The following MPHOSPH9 variants were observed in gnomAD, a reference collection of about 807,000 sequenced individuals.
MPHOSPH9 encodes the protein M-phase phosphoprotein 9.
Under a neutral mutation model 145.5 loss-of-function variants are expected in MPHOSPH9, and 88 were observed. The observed-to-expected ratio is 0.60, with a 90% CI of 0.51 to 0.72. MPHOSPH9 has a LOEUF of 0.72. MPHOSPH9 is among the 30% of genes least tolerant of loss of function. MPHOSPH9 has a pLI of 0.00. For synonymous variants in MPHOSPH9, 435 were observed against 486.2 expected (o/e 0.89, Z 1.39); for missense variants, 1,238 against 1,386.6 (o/e 0.89, Z 1.70).
chr12:123,184,979 G>T (rs1327753677), intron 13 of MPHOSPH9, among the ~76,000 whole-genome samples: 4 of 151,570 alleles, frequency 2.6e-5, no homozygotes, highest in Non-Finnish European at 5.9e-5. Context: ...AATTTTTGTA[G>T]TTTTAGTAGA....
At chr12:123,170,819 C>T (rs993337460) in intron 16 of MPHOSPH9, among the ~76,000 whole-genome samples, 60 of 152,236 alleles carry the variant, frequency 3.9e-4, no homozygotes, top group Non-Finnish European at 4.6e-4. Context: ...TCTTCAACCT[C>T]TCTGACTGTT....
chr12:123,241,430 C>T (rs34841857), intron 1 of MPHOSPH9, among the ~76,000 whole-genome samples: 79,271 of 151,792 alleles, frequency 0.52, 24,827 homozygotes, highest in East Asian at 0.7. Flanking sequence ...CTCTGCCTCC[C>T]GGGTTCAAGC....
At chr12:123,166,471 T>G (rs1621194) in intron 17 of MPHOSPH9, 184 bp downstream of exon 17, 2 of 697,038 alleles carry the variant, frequency 2.9e-6, no homozygotes, top group South Asian at 3.6e-5. Flanking sequence ...TGGGGAAGCT[T>G]GGCAGAGCTC....
chr12:123,239,755 A>G (rs1477687654), intron 1 of MPHOSPH9, among the ~76,000 whole-genome samples: 1 of 152,122 alleles, frequency 6.6e-6, no homozygotes, highest in Non-Finnish European at 1.5e-5. Flanking sequence ...AACACAACAG[A>G]GGTGACATTT....
chr12:123,161,049 G>A, intron 22 of MPHOSPH9, 87 bp downstream of exon 22: 1 of 1,494,328 alleles, frequency 6.7e-7, no homozygotes, highest in Non-Finnish European at 9.1e-7. Context: ...AATTTCCTGA[G>A]ACAGGTTTGA....
In MPHOSPH9 at chr12:123,230,310, A is replaced by C. The variant is rs574812308; in HGVS notation, c.55T>G (p.Ser19Ala). 6.5e-7 allele frequency: 1 copy of C among 1,534,482 alleles called. No homozygotes were observed. Among genetic ancestry groups the C allele is most frequent in the South Asian group, 1.2e-5 (1 of 83,970 alleles). Residue 19 changes from serine to alanine, a missense_variant, in exon 2 of 24, where the codon TCT (serine) becomes GCT (alanine). By Grantham distance (99) the Ser-to-Ala change is moderately conservative. Around this residue, in one of 3 missense-constraint regions of MPHOSPH9, gnomAD observed 837 missense variants for 897.5 expected, o/e 0.93. Transcript: ENST00000606320. Reference sequence around the variant, plus strand: ...AGAGAATGAAGAGAATTTTCATCAGATCCTACAGAAGATGAAGTTTTGTGT... The same window carrying C: ...AGAGAATGAAGAGAATTTTCATCAGCTCCTACAGAAGATGAAGTTTTGTGT... ...TLHKTSSSVG[S>A]DENSLHSLGL... is the part of the protein sequence containing the mutation.
intron 8 of MPHOSPH9, among the ~76,000 whole-genome samples, chr12:123,207,323 A>C (rs1467161667): frequency 6.6e-6 from 1 of 152,064 alleles, no homozygotes; most frequent in Non-Finnish European, 1.5e-5. Context: ...AAGCCTACTA[A>C]GCCTGCCTTG....
chr12:123,214,919 C>G (rs1319383990), intron 6 of MPHOSPH9, 85 bp from the exon 7 acceptor site: 6 of 1,122,190 alleles, frequency 5.3e-6, no homozygotes, highest in Non-Finnish European at 8.0e-6. Context: ...AGGCCTCAAA[C>G]CAGGTGGGGA....
At chr12:123,164,279 G>A (rs1033459417) in intron 18 of MPHOSPH9, among the ~76,000 whole-genome samples, 189 bp from the exon 19 acceptor site, 2 of 152,162 alleles carry the variant, frequency 1.3e-5, no homozygotes, top group African/African-American at 4.8e-5. Context: ...ACATTATAAT[G>A]ATAAAAAATG....
At chr12:123,231,759 TGGATATATAC>T (rs1269671432) in intron 1 of MPHOSPH9, among the ~76,000 whole-genome samples, 1,641 of 151,882 alleles carry the variant, frequency 0.011, 27 homozygotes, top group African/African-American at 0.037. Flanking sequence ...TCAGTGAAGC[TGGATATATAC>T]CATGGCAAAT....
chr12:123,220,625 A>G (rs994189855), intron 5 of MPHOSPH9, among the ~76,000 whole-genome samples: 2 of 152,144 alleles, frequency 1.3e-5, no homozygotes, highest in Admixed American at 6.6e-5. Context: ...TCAGCTGGAC[A>G]TGGTAACATA....
chr12:123,242,110 T>C (rs891201241), intron 1 of MPHOSPH9, among the ~76,000 whole-genome samples: 4 of 152,230 alleles, frequency 2.6e-5, no homozygotes, highest in Non-Finnish European at 5.9e-5. Flanking sequence ...CTTGCACAAA[T>C]TAATGTTCCC....
intron 16 of MPHOSPH9, among the ~76,000 whole-genome samples, chr12:123,170,695 G>A (rs1285240779): frequency 2.0e-5 from 3 of 151,964 alleles, no homozygotes; most frequent in Admixed American, 1.3e-4. Context: ...CCTTTCTCCC[G>A]GCAGTGGAAA....
rs370851089 is a variant in MPHOSPH9 at position 123,198,292 on chromosome 12, G to A, written c.1980C>T (p.Arg660=). Reference sequence around the variant, plus strand: ...TATTCTTATTTTCAAGTGTTCTCACGCGACTAGTAGCTTCATGCAAAGCAC... The same window carrying A: ...TATTCTTATTTTCAAGTGTTCTCACACGACTAGTAGCTTCATGCAAAGCAC... ...LDSALHEATS[R]VRTLENKNNL... The change falls in exon 12 of 24, where the codon CGC becomes CGT. Residue 660 remains arginine, a synonymous_variant. Coordinates refer to ENST00000606320, the MANE Select transcript of MPHOSPH9 (RefSeq NM_022782.4). 5.0e-6 allele frequency: 8 copies of A among 1,612,204 alleles called. No homozygotes were observed. Among genetic ancestry groups the A allele is most frequent in the South Asian group, 1.1e-5 (1 of 90,782 alleles).
intron 2 of MPHOSPH9, among the ~76,000 whole-genome samples, chr12:123,229,406 C>A (rs1013964697): frequency 5.9e-5 from 9 of 152,098 alleles, no homozygotes; most frequent in Non-Finnish European, 1.2e-4. Flanking sequence ...AAATAAAAAA[C>A]CAATCACAGG....
chr12:123,157,275 C>T (rs1352128644), intron 23 of MPHOSPH9, among the ~76,000 whole-genome samples: 1 of 151,070 alleles, frequency 6.6e-6, no homozygotes, highest in Non-Finnish European at 1.5e-5. Flanking sequence ...GAAATGGACA[C>T]ATTTGATCAG....
At chr12:123,166,819 A>G (rs1348611347) in intron 16 of MPHOSPH9, 30 bp from the exon 17 acceptor site, 2 of 1,606,980 alleles carry the variant, frequency 1.2e-6, no homozygotes, top group Non-Finnish European at 1.7e-6. Flanking sequence ...CAGGCATTAT[A>G]AAGGTCTGCA....
intron 17 of MPHOSPH9, chr12:123,166,372 TTGGG>T: frequency 2.7e-6 from 1 of 374,102 alleles, no homozygotes; most frequent in Non-Finnish European, 4.8e-6. Context: ...TCCCAAAGTG[TTGGG>T]ATTACAGGCG....
Position 123,156,362 on chromosome 12 carries a change from G to GTAAT in MPHOSPH9, c.*441_*444dup, listed in dbSNP as rs1278915407. On this transcript the variant is annotated 3_prime_UTR_variant, in exon 24 of 24. Transcript: ENST00000606320. ...ACACAACTGAAATCCAAGGTACACT[G>GTAAT]TAATTGTTTATGTATTCAGCATGTA... The GTAAT allele has an allele frequency of 6.5e-6, 1 of 153,058 alleles. No individual in the cohort carries two copies. The highest frequency in any genetic ancestry group is 1.9e-4 in the East Asian group (1 of 5,224). 9.5% of individuals were successfully genotyped at this position (153,058 alleles called of 1,614,324 possible).
Sources: allele counts gnomAD v4.1 joint callset (sites outside exome capture counted in the v4.1 genomes callset), GRCh38; gene constraint gnomAD v4.1.1; regional missense constraint gnomAD v4.1.1; transcripts MANE v1.5; gene names NCBI Gene and HGNC (gene_info 2026-07-23, HGNC 2026-07-21).